The following CAST variants were observed in gnomAD, a reference collection of about 807,000 sequenced individuals.
The protein encoded by CAST is MIR583 host.
In CAST, 76 loss-of-function variants were observed where a neutral mutation model predicts 119.6. That is an observed-to-expected ratio of 0.64 (90% CI 0.53 to 0.77). CAST has a LOEUF of 0.77. Ranked by LOEUF, CAST falls within the 30% of genes least tolerant of loss-of-function variation. CAST has a pLI of 0.00. For missense variants in CAST, 953 were observed against 946.5 expected, an observed-to-expected ratio of 1.01 and a Z score of -0.09; for synonymous variants, 319 against 331.6, an observed-to-expected ratio of 0.96 and a Z score of 0.41.
rs538116461 is a variant in CAST at position 96,646,653 on chromosome 5, G to A, written c.61-28886G>A. 3.3e-5 allele frequency among the ~76,000 whole-genome samples: 5 copies of A among 152,286 alleles called. No individual in the cohort carries two copies. The South Asian group carries it at 1.0e-3, about 32-fold the overall frequency. On this transcript the variant is annotated intron_variant, in intron 1 of 11. Coordinates refer to the CAST transcript ENST00000505143. ...AAAATTATAAATAGTGGTTGCCTCTGGGGAGGTGTTGTGGGGCTGCACATG... is the reference window on the plus strand; with the variant it reads ...AAAATTATAAATAGTGGTTGCCTCTAGGGAGGTGTTGTGGGGCTGCACATG...
At chr5:96,285,156 ACTGTTCACTATGT>A in the CAST span, among the ~76,000 whole-genome samples, 1 of 152,190 alleles carries the variant, frequency 6.6e-6, no homozygotes, top group African/African-American at 2.4e-5. Context: ...ACACACACCT[ACTGTTCACTATGT>A]GCCAAACATC....
the CAST span, among the ~76,000 whole-genome samples, chr5:96,148,358 G>C: frequency 6.6e-6 from 1 of 152,180 alleles, no homozygotes; most frequent in East Asian, 1.9e-4. Context: ...CTAAAATACT[G>C]TCTGTCATGA....
chr5:96,531,050 C>T (rs1240201591), intron 1 of CAST, among the ~76,000 whole-genome samples: 1 of 152,186 alleles, frequency 6.6e-6, no homozygotes, highest in Non-Finnish European at 1.5e-5. Flanking sequence ...GCCTTAGCTT[C>T]CCAAAGTACT....
intron 19 of CAST, 84 bp from the exon 20 acceptor site, chr5:96,750,503 G>C (rs1348507943): frequency 1.3e-6 from 1 of 779,210 alleles, no homozygotes; most frequent in African/African-American, 1.7e-5. Context: ...ATAATGTAGC[G>C]GAGTGTCTTG....
the CAST span, among the ~76,000 whole-genome samples, chr5:96,288,983 A>G: frequency 1.3e-5 from 2 of 152,112 alleles, no homozygotes; most frequent in African/African-American, 2.4e-5. Flanking sequence ...CAATTTTGCA[A>G]TCAATAGTTT....
the CAST span, among the ~76,000 whole-genome samples, chr5:96,045,834 C>CA: frequency 1.6e-3 from 242 of 150,756 alleles, no homozygotes; most frequent in Middle Eastern, 6.8e-3. Flanking sequence ...AGGAGATAGA[C>CA]AAAAAAAATA....
chr5:95,971,276 A>T, the CAST span, among the ~76,000 whole-genome samples: 11 of 152,290 alleles, frequency 7.2e-5, no homozygotes, highest in Admixed American at 7.2e-4. Flanking sequence ...TATATTTTAC[A>T]TACTCATTGT....
chr5:96,481,729 T>C, the CAST span, among the ~76,000 whole-genome samples: 1 of 152,190 alleles, frequency 6.6e-6, no homozygotes, highest in South Asian at 2.1e-4. Flanking sequence ...GAAAATGCTT[T>C]TGAAAACTTC....
the CAST span, among the ~76,000 whole-genome samples, chr5:96,365,097 G>A: frequency 1.0e-3 from 152 of 152,306 alleles, no homozygotes; most frequent in Non-Finnish European, 1.6e-3. Flanking sequence ...TAGTCATTCA[G>A]GAGCAGGTTG....
the CAST span, among the ~76,000 whole-genome samples, chr5:96,368,171 G>C: frequency 1.3e-5 from 2 of 148,584 alleles, no homozygotes; most frequent in African/African-American, 5.0e-5. Flanking sequence ...TTTCCTTGGA[G>C]TTACTAATTA....
At chr5:96,614,359 C>A (rs530366745) in intron 1 of CAST, among the ~76,000 whole-genome samples, 7 of 152,144 alleles carry the variant, frequency 4.6e-5, no homozygotes, top group Non-Finnish European at 4.4e-5. Context: ...CCTACTACAG[C>A]GCCTCAGTGT....
At chr5:96,702,765 C>T (rs1464915936) in intron 3 of CAST, 4 of 985,312 alleles carry the variant, frequency 4.1e-6, no homozygotes, top group Non-Finnish European at 4.8e-6. Flanking sequence ...CGGGGAGCAT[C>T]CTGCGTCGCC....
At chr5:96,120,203 A>C in the CAST span, among the ~76,000 whole-genome samples, 1 of 152,124 alleles carries the variant, frequency 6.6e-6, no homozygotes, top group Non-Finnish European at 1.5e-5. Context: ...GGGGCTAATG[A>C]ATAAAACTGC....
intron 24 of CAST, chr5:96,761,797 A>T (rs1768054268): frequency 6.5e-6 from 1 of 154,180 alleles, no homozygotes; most frequent in Admixed American, 6.5e-5. Flanking sequence ...ACTGATTATC[A>T]TAATAAAAGT....
At chr5:96,313,669 T>A in the CAST span, among the ~76,000 whole-genome samples, 1 of 152,192 alleles carries the variant, frequency 6.6e-6, no homozygotes. Flanking sequence ...GGTAAATACC[T>A]TCATGTAACC....
At chr5:96,205,254 A>C in the CAST span, among the ~76,000 whole-genome samples, 1 of 152,078 alleles carries the variant, frequency 6.6e-6, no homozygotes, top group Non-Finnish European at 1.5e-5. Context: ...CATTTTGATG[A>C]AGCCCACTTT....
At chr5:96,180,326 A>T in the CAST span, among the ~76,000 whole-genome samples, 1 of 152,226 alleles carries the variant, frequency 6.6e-6, no homozygotes, top group Non-Finnish European at 1.5e-5. Flanking sequence ...ATATTTGTTC[A>T]TAGTACACCA....
chr5:96,508,004 T>A, the CAST span, among the ~76,000 whole-genome samples: 2 of 76,504 alleles, frequency 2.6e-5, no homozygotes, highest in Non-Finnish European at 7.7e-5. Context: ...ATTATTATTA[T>A]TATTATTATT....
At chr5:96,268,283 C>T in the CAST span, among the ~76,000 whole-genome samples, 8 of 152,204 alleles carry the variant, frequency 5.3e-5, no homozygotes, top group Middle Eastern at 3.4e-3. Flanking sequence ...AACTAAAAGG[C>T]ACAGAGGACC....
Sources: allele counts gnomAD v4.1 joint callset (sites outside exome capture counted in the v4.1 genomes callset), GRCh38; gene constraint gnomAD v4.1.1; transcripts MANE v1.5; gene names NCBI Gene and HGNC (gene_info 2026-07-23, HGNC 2026-07-21).